The following SP140L variants were observed in gnomAD, a reference collection of about 807,000 sequenced individuals.
SP140L encodes the protein SP140 like nuclear body protein, also known as nuclear body protein SP140-like protein.
SP140L carries 64 observed loss-of-function variants against 84.3 expected under a neutral mutation model. The ratio of observed to expected loss-of-function variants is 0.76; its 90% CI spans 0.62 to 0.94. The LOEUF is 0.94. Among genes scored for constraint, SP140L ranks in the 40% least tolerant of loss-of-function variants. The probability of loss-of-function intolerance (pLI) is 0.00; values close to 1 mark genes in which losing one functional copy is unlikely to be tolerated. For synonymous variants in SP140L, 242 were observed against 236.9 expected (o/e 1.02, Z -0.20); for missense variants, 628 against 692.5 (o/e 0.91, Z 1.05).
chr2:230,390,594 C>A (rs56108366), intron 11 of SP140L, among the ~76,000 whole-genome samples: 2 of 152,124 alleles, frequency 1.3e-5, no homozygotes, highest in South Asian at 2.1e-4. Flanking sequence ...AAATATTTTA[C>A]GATTGAAAAT....
intron 5 of SP140L, among the ~76,000 whole-genome samples, chr2:230,362,970 G>A (rs778097488): frequency 5.3e-5 from 8 of 152,152 alleles, no homozygotes; most frequent in Non-Finnish European, 8.8e-5. Context: ...ACCAGAAAAT[G>A]TGAACAGATG....
intron 1 of SP140L, among the ~76,000 whole-genome samples, chr2:230,327,888 T>C (rs1338362819): frequency 6.6e-6 from 1 of 152,056 alleles, no homozygotes; most frequent in African/African-American, 2.4e-5. Context: ...TTGACCTTGA[T>C]CCAAAGAAGG....
intron 10 of SP140L, among the ~76,000 whole-genome samples, chr2:230,389,222 T>A (rs1465603129): frequency 6.6e-6 from 1 of 152,056 alleles, no homozygotes; most frequent in Non-Finnish European, 1.5e-5. Flanking sequence ...CCCCTGCCCA[T>A]CATGGCCTCT....
chr2:230,342,348 C>G (rs540517317), intron 2 of SP140L, among the ~76,000 whole-genome samples: 1 of 152,326 alleles, frequency 6.6e-6, no homozygotes, highest in East Asian at 1.9e-4. Flanking sequence ...GCCCTGCTTC[C>G]GCTCGCGCAC....
intron 2 of SP140L, among the ~76,000 whole-genome samples, chr2:230,344,242 G>A (rs889594598): frequency 3.9e-5 from 6 of 152,146 alleles, no homozygotes; most frequent in African/African-American, 1.4e-4. Context: ...AGCTCTTCTT[G>A]TTGAATTGAA....
chr2:230,392,101 T>C lies in SP140L; in HGVS notation c.979T>C (p.Cys327Arg), dbSNP rs768267822. 1 of 1,613,866 alleles carries C rather than the reference T, an allele frequency of 6.2e-7. No individual in the cohort carries two copies. The highest frequency in any genetic ancestry group is 8.5e-7 in the Non-Finnish European group (1 of 1,179,838). ...TGGTCTTACAGGAACCTTGGCAAAG[T>C]GTATACAGACTGAGGATGGAAAATG... ...EKLEQGTLAK[C>R]IQTEDGKWFT... The change falls in exon 12 of 19, where the codon TGT becomes CGT. Residue 327 changes from cysteine to arginine, a missense_variant. By Grantham distance (180) the Cys-to-Arg change is radical. Coordinates refer to ENST00000415673, the MANE Select transcript of SP140L (RefSeq NM_138402.6).
chr2:230,381,763 T>G (rs1158803328), intron 7 of SP140L, among the ~76,000 whole-genome samples: 1 of 148,164 alleles, frequency 6.7e-6, no homozygotes, highest in Non-Finnish European at 1.5e-5. Context: ...CACACACATT[T>G]CATAAACCGT....
At chr2:230,354,884 A>AGAAAGAAAGAAAGAAAGAAAG in intron 2 of SP140L, among the ~76,000 whole-genome samples, 1 of 149,890 alleles carries the variant, frequency 6.7e-6, no homozygotes, top group Non-Finnish European at 1.5e-5. Context: ...AAAGAAAGAA[A>AGAAAGAAAGAAAGAAAGAAAG]GAAAGAAAGA....
chr2:230,378,557 G>A (rs572829341), intron 7 of SP140L, among the ~76,000 whole-genome samples: 9 of 152,322 alleles, frequency 5.9e-5, no homozygotes, highest in African/African-American at 2.2e-4. Context: ...GAGAGGTTAT[G>A]AACTGTGGTT....
At chr2:230,390,104 C>T in intron 11 of SP140L, 81 bp downstream of exon 11, 2 of 1,290,160 alleles carry the variant, frequency 1.6e-6, no homozygotes, top group African/African-American at 3.0e-5. Context: ...GTGTGAATTA[C>T]ACATCATTCA....
rs2149837929 is a variant in SP140L at position 230,401,710 on chromosome 2, A to C, written c.1547A>C (p.Lys516Thr). The change falls in exon 18 of 19, where the codon AAA becomes ACA. Residue 516 changes from lysine (K) to threonine (T), a missense_variant. By Grantham distance (78) the Lys-to-Thr change is moderately conservative. Around this residue, in one of 4 missense-constraint regions of SP140L, gnomAD observed 7 missense variants for 51.0 expected, o/e 0.14. Coordinates refer to ENST00000415673, the MANE Select transcript of SP140L (RefSeq NM_138402.6). Reference sequence around the variant, plus strand: ...CTGAAGGAGCCCATGTGGTTGGATAAAATCAAGAAAAGGCTGAATGAGCAC... The same window carrying C: ...CTGAAGGAGCCCATGTGGTTGGATACAATCAAGAAAAGGCTGAATGAGCAC... Reference protein sequence around the residue: ...QGLKEPMWLDKIKKRLNEHGY... With the variant: ...QGLKEPMWLDTIKKRLNEHGY... 6.6e-7 allele frequency: 1 copy of C among 1,503,872 alleles called. No individual in the cohort carries two copies. Among genetic ancestry groups the C allele is most frequent in the African/African-American group, 1.5e-5 (1 of 68,670 alleles). 93.2% of individuals were successfully genotyped at this position (1,503,872 alleles called of 1,614,324 possible).
Position 230,371,776 on chromosome 2 carries a change from G to A in SP140L, c.637+125G>A, listed in dbSNP as rs571342413. On this transcript the variant is annotated intron_variant, in intron 7 of 18. Transcript: ENST00000415673. ...CAATACTGTGGTAGAGAGAATGATG[G>A]CCACCCCAAAAAACGTCCACCTCCT... is the stretch of plus-strand genomic sequence containing the variant. 3.3e-4 allele frequency: 295 copies of A among 905,080 alleles called. No individual in the cohort carries two copies. In the African/African-American group the frequency reaches 4.6e-3, roughly 14 times the overall value. The allele number at this position is 905,080 out of a possible 1,614,324, so 56.1% of individuals were successfully genotyped here.
intron 11 of SP140L, 45 bp downstream of exon 11, chr2:230,390,068 C>T (rs2061738526): frequency 6.6e-7 from 1 of 1,520,190 alleles, no homozygotes. Context: ...TATCTGAAGG[C>T]ATCACAAGAA....
At chr2:230,355,001 TCA>T (rs1270342559) in intron 2 of SP140L, among the ~76,000 whole-genome samples, 3 of 151,994 alleles carry the variant, frequency 2.0e-5, no homozygotes, top group African/African-American at 7.2e-5. Context: ...CTAACAGACA[TCA>T]CACTTAGTGA....
At chr2:230,380,372 T>C (rs1280209244) in intron 7 of SP140L, among the ~76,000 whole-genome samples, 1 of 152,154 alleles carries the variant, frequency 6.6e-6, no homozygotes, top group South Asian at 2.1e-4. Flanking sequence ...CATGTCACTA[T>C]CCATATATAC....
At position 230,400,976 on chromosome 2, in the gene SP140L, C is replaced by T. The variant is rs1249455571; in HGVS notation, c.1335C>T (p.Phe445=). 4 of 1,539,120 alleles carry T rather than the reference C, an allele frequency of 2.6e-6. No homozygotes were observed. Among genetic ancestry groups the T allele is most frequent in the Non-Finnish European group, 2.7e-6 (3 of 1,131,042 alleles). The change falls in exon 16 of 19, where the codon TTC becomes TTT. Residue 445 remains phenylalanine, a synonymous_variant. Coordinates refer to ENST00000415673, the MANE Select transcript of SP140L (RefSeq NM_138402.6). ...ESEKTPWNCI[F]CRMKESPGSQ... is the part of the protein sequence containing the mutation. ...TCAGGACCCCGTGGAATTGCATCTT[C>T]TGCAGGATGAAGGAGTCTCCGGGAA...
chr2:230,349,479 AG>A (rs1426583735), intron 2 of SP140L, among the ~76,000 whole-genome samples: 4 of 152,186 alleles, frequency 2.6e-5, no homozygotes, highest in Non-Finnish European at 5.9e-5. Flanking sequence ...AAATATATTG[AG>A]TCTTCCAATC....
chr2:230,392,454 A>C (rs1291218952), intron 12 of SP140L, among the ~76,000 whole-genome samples: 1 of 152,170 alleles, frequency 6.6e-6, no homozygotes, highest in Non-Finnish European at 1.5e-5. Flanking sequence ...AGCAGCTTGG[A>C]GGAGGAAAGG....
Position 230,328,832 on chromosome 2 carries a change from G to T in SP140L, c.107+1G>T, listed in dbSNP as rs187842782. On this transcript the variant is annotated splice_donor_variant, in intron 2 of 18. Coordinates refer to ENST00000415673, the MANE Select transcript of SP140L (RefSeq NM_138402.6). LOFTEE classifies it high-confidence loss of function. ...CTGCACACAGCCAAAGTCTGCAAAG[G>T]TGATGAAGAATTACAATTTGTTTTA... The T allele has an allele frequency of 1.2e-6, 2 of 1,605,622 alleles. No individual in the cohort carries two copies. Among genetic ancestry groups the T allele is most frequent in the Non-Finnish European group, 1.7e-6 (2 of 1,175,680 alleles).
Sources: allele counts gnomAD v4.1 joint callset (sites outside exome capture counted in the v4.1 genomes callset), GRCh38; gene constraint gnomAD v4.1.1; regional missense constraint gnomAD v4.1.1; transcripts MANE v1.5; gene names NCBI Gene and HGNC (gene_info 2026-07-23, HGNC 2026-07-21).